TCF7L1: variants seen among roughly 807,000 people sequenced by gnomAD.
TCF7L1 encodes the protein transcription factor 7 like 1, also known as transcription factor 7-like 1.
In TCF7L1, 18 loss-of-function variants were observed where a neutral mutation model predicts 63.7. The ratio of observed to expected loss-of-function variants is 0.28; its 90% CI spans 0.20 to 0.42. The LOEUF (loss-of-function observed/expected upper bound fraction) is 0.42. TCF7L1 is among the 10% of genes least tolerant of loss of function. The probability of loss-of-function intolerance (pLI) is 1.00; values close to 1 mark genes in which losing one functional copy is unlikely to be tolerated. For synonymous variants in TCF7L1, 355 were observed against 340.9 expected, an observed-to-expected ratio of 1.04 and a Z score of -0.46; for missense variants, 654 against 779.3, an observed-to-expected ratio of 0.84 and a Z score of 1.91.
At chr2:85,241,595 G>A (rs560118679) in intron 3 of TCF7L1, among the ~76,000 whole-genome samples, 16 of 151,808 alleles carry the variant, frequency 1.1e-4, no homozygotes, top group African/African-American at 3.4e-4. Context: ...ACAGGTGCCC[G>A]CCACCATGCC....
In TCF7L1 at chr2:85,172,133, G is replaced by A. The variant is rs539367048; in HGVS notation, c.441+37683G>A. Among the ~76,000 whole-genome samples, 5 of 152,202 alleles carry A rather than the reference G, an allele frequency of 3.3e-5. No homozygotes were observed. In the South Asian group the frequency reaches 1.0e-3, roughly 32 times the overall value. ...GATTGCAGCCACGTGTCCACCAGGG[G>A]AGCCCCGCAGTGCTTCCCACCTCAC... On this transcript the variant is annotated intron_variant, in intron 3 of 11. Transcript: ENST00000282111.
In TCF7L1 at chr2:85,229,121, C is replaced by T. The variant is rs190475157; in HGVS notation, c.442-54374C>T. Among the ~76,000 whole-genome samples the T allele has an allele frequency of 3.3e-3, 503 of 151,756 alleles. 4 individuals are homozygous for T. The highest frequency in any genetic ancestry group is 0.011 in the African/African-American group (473 of 41,358). On this transcript the variant is annotated intron_variant, in intron 3 of 11. Coordinates refer to ENST00000282111, the MANE Select transcript of TCF7L1 (RefSeq NM_031283.3). ...CAGCACTTTGGGAGGCTGAGGCGTG[C>T]GGATCACAAGGTCAAGAGATTGAGA...
chr2:85,306,284 T>C lies in TCF7L1; in HGVS notation c.1068T>C (p.Tyr356=), dbSNP rs1316668025. The change falls in exon 9 of 12, where the codon TAT becomes TAC. Residue 356 remains tyrosine, a synonymous_variant. Transcript: ENST00000282111. The surrounding 1 kb of genome is among the most constrained non-coding windows in gnomAD (Gnocchi z 4.3). Reference sequence around the variant, plus strand: ...AGCCTCTGAATGCCTTCATGTTGTATATGAAGGAGATGAGGGCCAAGGTGG... The same window carrying C: ...AGCCTCTGAATGCCTTCATGTTGTACATGAAGGAGATGAGGGCCAAGGTGG... The part of the protein sequence containing the change: ...VKKPLNAFML[Y]MKEMRAKVVA... 6.2e-7 allele frequency: 1 copy of C among 1,614,000 alleles called. No homozygotes were observed. The highest frequency in any genetic ancestry group is 1.3e-5 in the African/African-American group (1 of 74,894).
At chr2:85,272,321 G>A (rs1300313116) in intron 3 of TCF7L1, among the ~76,000 whole-genome samples, 1 of 152,140 alleles carries the variant, frequency 6.6e-6, no homozygotes, top group Non-Finnish European at 1.5e-5. Context: ...CTGTTGCTAT[G>A]ATATAAGACA....
At chr2:85,268,827 A>T (rs940388642) in intron 3 of TCF7L1, among the ~76,000 whole-genome samples, 1 of 150,964 alleles carries the variant, frequency 6.6e-6, no homozygotes, top group African/African-American at 2.4e-5. Context: ...AAGCTAAGCG[A>T]GGAAATGAGC....
chr2:85,300,504 A>G (rs951295895), intron 4 of TCF7L1, among the ~76,000 whole-genome samples: 2 of 152,242 alleles, frequency 1.3e-5, no homozygotes, highest in Non-Finnish European at 2.9e-5. Flanking sequence ...AGCAGGGCCC[A>G]GCTGTGTGCT....
At position 85,134,020 on chromosome 2, in the gene TCF7L1, A is replaced by G; in HGVS notation, c.254A>G (p.Glu85Gly). 1.9e-6 allele frequency: 3 copies of G among 1,609,418 alleles called. No individual in the cohort carries two copies. Among genetic ancestry groups the G allele is most frequent in the Non-Finnish European group, 2.5e-6 (3 of 1,178,392 alleles). ...NQSSSSDSEAERRPQPVRDTF... is the reference protein window; with the variant it reads ...NQSSSSDSEAGRRPQPVRDTF... ...GCCTTTGTGTCTCCTCCGCAGGCGG[A>G]GAGGCGCCCGCAGCCCGTCCGGGAC... Residue 85 changes from glutamate (E) to glycine (G), a missense_variant, in exon 2 of 12, where the codon GAG (glutamate) becomes GGG (glycine). By Grantham distance (98) the Glu-to-Gly change is moderately conservative. Transcript: ENST00000282111. This position sits in a 1 kb window ranked among gnomAD's most constrained non-coding sequence, Gnocchi z 5.0.
chr2:85,194,799 C>G (rs1679116576), intron 3 of TCF7L1, among the ~76,000 whole-genome samples: 1 of 152,174 alleles, frequency 6.6e-6, no homozygotes, highest in African/African-American at 2.4e-5. Context: ...CCCTCAAGTT[C>G]TTGGATGGTG....
intron 3 of TCF7L1, among the ~76,000 whole-genome samples, chr2:85,142,481 AAT>A (rs148154309): frequency 3.2e-3 from 459 of 143,094 alleles, no homozygotes; most frequent in Middle Eastern, 3.6e-3. Context: ...GTATATATAT[AAT>A]ATATATATAT....
At chr2:85,194,195 C>T (rs537798320) in intron 3 of TCF7L1, among the ~76,000 whole-genome samples, 100 of 152,162 alleles carry the variant, frequency 6.6e-4, no homozygotes, top group African/African-American at 2.4e-3. Context: ...GGATTACCTT[C>T]GGGAAATGAT....
intron 3 of TCF7L1, among the ~76,000 whole-genome samples, chr2:85,217,737 C>T (rs555170531): frequency 2.0e-4 from 31 of 152,144 alleles, no homozygotes; most frequent in Non-Finnish European, 4.3e-4. Flanking sequence ...AGAAGTGTTT[C>T]GCAGTTTTGG....
intron 4 of TCF7L1, among the ~76,000 whole-genome samples, chr2:85,293,530 A>C (rs1196978796): frequency 6.6e-6 from 1 of 152,178 alleles, no homozygotes; most frequent in Admixed American, 6.6e-5. Context: ...GAGCCAATTA[A>C]ACCTCTTTTC....
At chr2:85,266,986 G>A (rs150819608) in intron 3 of TCF7L1, among the ~76,000 whole-genome samples, 127 of 152,330 alleles carry the variant, frequency 8.3e-4, no homozygotes, top group African/African-American at 2.9e-3. Flanking sequence ...AGGAGTGCCA[G>A]GATGGGCTGC....
intron 4 of TCF7L1, among the ~76,000 whole-genome samples, chr2:85,292,905 G>A (rs1681759336): frequency 6.6e-6 from 1 of 152,216 alleles, no homozygotes; most frequent in South Asian, 2.1e-4. Flanking sequence ...TCATAATGCT[G>A]TGTAACAAAC....
Position 85,235,480 on chromosome 2 carries a change from G to A in TCF7L1, c.442-48015G>A, listed in dbSNP as rs757362872. ...GCAGTGTGGAAAAGAGGAAGGCCCC[G>A]TGCTGGGAGCCCCACCCCCTAGGCT... On this transcript the variant is annotated intron_variant, in intron 3 of 11. Coordinates refer to ENST00000282111, the MANE Select transcript of TCF7L1 (RefSeq NM_031283.3). Among the ~76,000 whole-genome samples, 20 of 151,860 alleles carry A rather than the reference G, an allele frequency of 1.3e-4. No individual in the cohort carries two copies. In the South Asian group the frequency reaches 3.3e-3, roughly 25 times the overall value.
At chr2:85,304,448 TCCC>T in intron 7 of TCF7L1, 110 bp downstream of exon 7, 2 of 1,058,140 alleles carry the variant, frequency 1.9e-6, no homozygotes, top group Non-Finnish European at 2.7e-6. Context: ...GGGCTCACCC[TCCC>T]CCCACCTCTC....
intron 3 of TCF7L1, chr2:85,167,360 A>G (rs1678444463): frequency 6.6e-6 from 1 of 152,236 alleles, no homozygotes; most frequent in Non-Finnish European, 1.5e-5. Flanking sequence ...TTAATTAAAA[A>G]TTAAAGAATT....
In TCF7L1 at chr2:85,218,639, T is replaced by G. The variant is rs374956232; in HGVS notation, c.442-64856T>G. Among the ~76,000 whole-genome samples the G allele has an allele frequency of 3.6e-3, 535 of 149,968 alleles. 3 individuals carry two copies. Among genetic ancestry groups the G allele is most frequent in the African/African-American group, 0.012 (493 of 40,638 alleles). On this transcript the variant is annotated intron_variant, in intron 3 of 11. Coordinates refer to ENST00000282111, the MANE Select transcript of TCF7L1 (RefSeq NM_031283.3). ...TAGTTAAAATATCTTTTTATTCCAA[T>G]GGGGGGGGGAAAACTGGTGATAGTG...
rs150406814 is a variant in TCF7L1, at chr2:85,258,062, C to T, written c.442-25433C>T. Among the ~76,000 whole-genome samples, 3 of 152,296 alleles carry T rather than the reference C, an allele frequency of 2.0e-5. No homozygotes were observed. The East Asian group carries it at 5.8e-4, about 29-fold the overall frequency. On this transcript the variant is annotated intron_variant, in intron 3 of 11. Transcript: ENST00000282111. ...AAATGGGAATAACAACAATACTAAA[C>T]TCAGTAGGGCTGATGAGGATTAAGT...
Sources: allele counts gnomAD v4.1 joint callset (sites outside exome capture counted in the v4.1 genomes callset), GRCh38; gene constraint gnomAD v4.1.1; non-coding constraint Gnocchi (gnomAD v3.1); transcripts MANE v1.5; gene names NCBI Gene and HGNC (gene_info 2026-07-23, HGNC 2026-07-21).